The following CLIC5 variants were observed in gnomAD, a reference collection of about 807,000 sequenced individuals.
CLIC5 encodes chloride intracellular channel protein 5.
CLIC5 carries 20 observed loss-of-function variants against 24.7 expected under a neutral mutation model. The ratio of observed to expected loss-of-function variants is 0.81; its 90% CI spans 0.57 to 1.18. The LOEUF (loss-of-function observed/expected upper bound fraction) is 1.18. Ranked by LOEUF, CLIC5 falls within the 50% of genes most tolerant of loss-of-function variation. CLIC5 has a pLI of 0.00. For synonymous variants in CLIC5, 159 were observed against 135.6 expected, an observed-to-expected ratio of 1.17 and a Z score of -1.20; for missense variants, 341 against 326.1, an observed-to-expected ratio of 1.05 and a Z score of -0.35.
intron 1 of CLIC5, among the ~76,000 whole-genome samples, chr6:45,959,149 A>G (rs1764766971): frequency 6.6e-6 from 1 of 152,206 alleles, no homozygotes; most frequent in Non-Finnish European, 1.5e-5. Flanking sequence ...GCAATTTTGT[A>G]AATTCAAGTG....
chr6:46,062,735 G>A (rs1762321355), intron 1 of CLIC5, among the ~76,000 whole-genome samples: 1 of 152,168 alleles, frequency 6.6e-6, no homozygotes, highest in African/African-American at 2.4e-5. Context: ...CATTTTCCTA[G>A]GTACGCATCA....
chr6:46,028,503 C>G (rs1767405744), intron 1 of CLIC5, among the ~76,000 whole-genome samples: 1 of 152,200 alleles, frequency 6.6e-6, no homozygotes, highest in Non-Finnish European at 1.5e-5. Flanking sequence ...GAAAAGCTAA[C>G]TAATACTGTA....
chr6:46,027,286 G>A (rs1767361075), intron 1 of CLIC5, among the ~76,000 whole-genome samples: 1 of 152,180 alleles, frequency 6.6e-6, no homozygotes, highest in African/African-American at 2.4e-5. Context: ...TGACATTTAA[G>A]CCCAGACCTG....
intron 1 of CLIC5, among the ~76,000 whole-genome samples, chr6:46,065,273 G>A (rs962194269): frequency 8.6e-5 from 13 of 151,270 alleles, no homozygotes; most frequent in Non-Finnish European, 1.8e-4. Flanking sequence ...AACTGGCAAT[G>A]CTGAATCCTG....
At chr6:45,953,081 T>C (rs963625411) in intron 2 of CLIC5, among the ~76,000 whole-genome samples, 1 of 152,106 alleles carries the variant, frequency 6.6e-6, no homozygotes, top group Non-Finnish European at 1.5e-5. Flanking sequence ...ATAACTGAGG[T>C]ATTATGAAGA....
chr6:46,063,635 G>A (rs1762357302), intron 1 of CLIC5, among the ~76,000 whole-genome samples: 3 of 152,300 alleles, frequency 2.0e-5, no homozygotes, highest in Middle Eastern at 6.8e-3. Flanking sequence ...GTGCATGGGA[G>A]AAAACTATCA....
chr6:46,055,362 C>T (rs574364895), intron 1 of CLIC5, among the ~76,000 whole-genome samples: 5 of 152,236 alleles, frequency 3.3e-5, no homozygotes, highest in Admixed American at 2.6e-4. Context: ...TTCAGCCTCC[C>T]AAAGTGCTGG....
At position 46,057,920 on chromosome 6, in the gene CLIC5, T is replaced by A. The variant is rs1299168839; in HGVS notation, c.540+21783A>T. 2.0e-5 allele frequency among the ~76,000 whole-genome samples: 3 copies of A among 152,228 alleles called. No individual in the cohort carries two copies. The East Asian group carries it at 5.8e-4, about 29-fold the overall frequency. ...CCCTCACATTACTGCTACTGCCTGGTCAGCTTCCCCTTCCCTTGTTCCACC... is the reference window on the plus strand; with the variant it reads ...CCCTCACATTACTGCTACTGCCTGGACAGCTTCCCCTTCCCTTGTTCCACC... On this transcript the variant is annotated intron_variant, in intron 1 of 5. Coordinates refer to the CLIC5 transcript ENST00000185206.
intron 1 of CLIC5, among the ~76,000 whole-genome samples, chr6:46,064,611 T>G (rs3997322): frequency 0.029 from 4,420 of 152,082 alleles, 218 homozygotes; most frequent in African/African-American, 0.099. Flanking sequence ...TTGTAGCAAG[T>G]CAAATTTAGA....
intron 1 of CLIC5, among the ~76,000 whole-genome samples, chr6:45,984,033 A>T (rs551639385): frequency 6.6e-5 from 10 of 152,314 alleles, no homozygotes; most frequent in African/African-American, 2.2e-4. Context: ...TTGAAAGAAA[A>T]CATCATCACA....
At chr6:46,033,560 G>T (rs917536022) in intron 1 of CLIC5, among the ~76,000 whole-genome samples, 1 of 152,150 alleles carries the variant, frequency 6.6e-6, no homozygotes, top group South Asian at 2.1e-4. Context: ...ATACCATTCT[G>T]CAGGTCTCCA....
chr6:45,983,541 G>A (rs1011657541), intron 1 of CLIC5, among the ~76,000 whole-genome samples: 5 of 152,110 alleles, frequency 3.3e-5, no homozygotes, highest in East Asian at 3.8e-4. Context: ...TGCATATCAC[G>A]GCCTTAGGAG....
At chr6:46,054,748 A>C (rs1259147528) in intron 1 of CLIC5, among the ~76,000 whole-genome samples, 1 of 152,246 alleles carries the variant, frequency 6.6e-6, no homozygotes, top group South Asian at 2.1e-4. Context: ...TTTCATTTCC[A>C]TGTGGAGATA....
chr6:45,915,257 G>T (rs1171684967), intron 4 of CLIC5, among the ~76,000 whole-genome samples: 1 of 151,956 alleles, frequency 6.6e-6, no homozygotes, highest in Admixed American at 6.6e-5. Flanking sequence ...AAAAGTTTTG[G>T]TTATCTATAA....
chr6:45,973,311 C>A (rs545366327), intron 1 of CLIC5, among the ~76,000 whole-genome samples: 1 of 152,198 alleles, frequency 6.6e-6, no homozygotes, highest in African/African-American at 2.4e-5. Flanking sequence ...GCTCCTGATG[C>A]CCATGGCTGA....
At chr6:46,015,196 G>A (rs370370436) in intron 1 of CLIC5, among the ~76,000 whole-genome samples, 1 of 152,216 alleles carries the variant, frequency 6.6e-6, no homozygotes, top group Admixed American at 6.5e-5. Context: ...CGTCCGGGCT[G>A]GGCTCTGGAC....
At chr6:45,948,268 C>T (rs1255818530) in intron 3 of CLIC5, among the ~76,000 whole-genome samples, 2 of 152,158 alleles carry the variant, frequency 1.3e-5, no homozygotes, top group Non-Finnish European at 2.9e-5. Flanking sequence ...CTCAGTATGT[C>T]CTGAACCCTT....
At chr6:46,008,500 A>G (rs1256094709) in intron 1 of CLIC5, among the ~76,000 whole-genome samples, 4 of 152,118 alleles carry the variant, frequency 2.6e-5, no homozygotes, top group Non-Finnish European at 5.9e-5. Flanking sequence ...TGCACTCCTC[A>G]GTGGCACTCT....
upstream of CLIC5, among the ~76,000 whole-genome samples, chr6:46,083,634 G>C (rs1211446463): frequency 1.3e-5 from 2 of 152,168 alleles, no homozygotes; most frequent in Non-Finnish European, 2.9e-5. Context: ...ACTGTGGTCT[G>C]AGAGACAGTT....
Sources: allele counts gnomAD v4.1 joint callset (sites outside exome capture counted in the v4.1 genomes callset), GRCh38; gene constraint gnomAD v4.1.1; transcripts MANE v1.5; gene names NCBI Gene and HGNC (gene_info 2026-07-23, HGNC 2026-07-21).